The following SAMTOR variants were observed in gnomAD, a reference collection of about 807,000 sequenced individuals.
The protein encoded by SAMTOR is S-adenosylmethionine sensor upstream of mTORC1.
chr7:112,852,325 G>A, the SAMTOR span, among the ~76,000 whole-genome samples: 712 of 152,176 alleles, frequency 4.7e-3, 23 homozygotes, highest in Admixed American at 0.04. Context: ...GAATGGAACT[G>A]GAGGCCATGA....
At chr7:112,909,683 AGGC>A in the SAMTOR span, among the ~76,000 whole-genome samples, 4 of 152,062 alleles carry the variant, frequency 2.6e-5, no homozygotes, top group African/African-American at 7.2e-5. Flanking sequence ...TTGTAGGAAA[AGGC>A]TAATGTATTA....
At chr7:112,843,716 T>A in the SAMTOR span, among the ~76,000 whole-genome samples, 2 of 151,888 alleles carry the variant, frequency 1.3e-5, no homozygotes, top group Non-Finnish European at 2.9e-5. Context: ...TGTAGAATTC[T>A]ACAAAGAGCT....
At chr7:112,835,345 C>T in the SAMTOR span, among the ~76,000 whole-genome samples, 19 of 152,260 alleles carry the variant, frequency 1.2e-4, no homozygotes, top group Admixed American at 9.2e-4. Context: ...CTGCTGAGGA[C>T]TTCCAATATG....
At chr7:112,919,085 G>A in the SAMTOR span, among the ~76,000 whole-genome samples, 8 of 152,156 alleles carry the variant, frequency 5.3e-5, no homozygotes, top group Non-Finnish European at 1.0e-4. Flanking sequence ...ACTCAGCTCT[G>A]CACCAAGTGG....
the SAMTOR span, among the ~76,000 whole-genome samples, chr7:112,906,491 T>C: frequency 1.3e-5 from 2 of 151,366 alleles, no homozygotes; most frequent in African/African-American, 2.4e-5. Flanking sequence ...ATAATCACTA[T>C]ACAGAAAACC....
chr7:112,863,861 C>T, the SAMTOR span, among the ~76,000 whole-genome samples: 1 of 152,126 alleles, frequency 6.6e-6, no homozygotes, highest in Non-Finnish European at 1.5e-5. Context: ...GGTGATTCCT[C>T]AATGAACAAA....
At chr7:112,891,523 T>C in the SAMTOR span, among the ~76,000 whole-genome samples, 1 of 152,180 alleles carries the variant, frequency 6.6e-6, no homozygotes, top group Non-Finnish European at 1.5e-5. Context: ...TTTAAGTAAT[T>C]AACAAAATAC....
chr7:112,908,888 C>T, the SAMTOR span, among the ~76,000 whole-genome samples: 2 of 152,054 alleles, frequency 1.3e-5, no homozygotes, highest in African/African-American at 2.4e-5. Flanking sequence ...ATAACGAGAC[C>T]GGGTGAGACT....
chr7:112,932,160 C>T, the SAMTOR span, among the ~76,000 whole-genome samples: 3 of 151,968 alleles, frequency 2.0e-5, no homozygotes, highest in African/African-American at 4.8e-5. Flanking sequence ...CTCTTGACCT[C>T]GTGATCCACC....
chr7:112,887,060 G>C, the SAMTOR span, among the ~76,000 whole-genome samples: 1 of 151,936 alleles, frequency 6.6e-6, no homozygotes, highest in African/African-American at 2.4e-5. Context: ...CAGCTACTTG[G>C]GAGGCTGAGG....
chr7:112,854,224 A>G, the SAMTOR span, among the ~76,000 whole-genome samples: 1 of 152,144 alleles, frequency 6.6e-6, no homozygotes, highest in East Asian at 1.9e-4. Flanking sequence ...AGCATTTTTC[A>G]TATAATCCAT....
the SAMTOR span, among the ~76,000 whole-genome samples, chr7:112,938,450 T>C: frequency 6.6e-6 from 1 of 152,234 alleles, no homozygotes; most frequent in Non-Finnish European, 1.5e-5. Context: ...TAGTTTTAAC[T>C]TTCTAGAGTA....
chr7:112,934,878 CTAA>C, the SAMTOR span, among the ~76,000 whole-genome samples: 1 of 152,184 alleles, frequency 6.6e-6, no homozygotes, highest in African/African-American at 2.4e-5. Flanking sequence ...ACAAAGAACA[CTAA>C]TAATAACAAA....
chr7:112,911,079 ATT>A, the SAMTOR span, among the ~76,000 whole-genome samples: 1 of 152,102 alleles, frequency 6.6e-6, no homozygotes, highest in African/African-American at 2.4e-5. Context: ...ACTCTGCTGG[ATT>A]AAAGGGAAAT....
At chr7:112,918,138 A>G in the SAMTOR span, among the ~76,000 whole-genome samples, 5 of 152,210 alleles carry the variant, frequency 3.3e-5, no homozygotes, top group Non-Finnish European at 7.3e-5. Flanking sequence ...TCCAAGACAC[A>G]TAGTTGTCAG....
the SAMTOR span, among the ~76,000 whole-genome samples, chr7:112,917,093 G>C: frequency 1.8e-4 from 28 of 152,342 alleles, no homozygotes; most frequent in African/African-American, 6.5e-4. Flanking sequence ...TTGAAGAAGA[G>C]AGCAGTGGTT....
the SAMTOR span, among the ~76,000 whole-genome samples, chr7:112,925,064 A>G: frequency 6.6e-6 from 1 of 152,206 alleles, no homozygotes; most frequent in Non-Finnish European, 1.5e-5. Context: ...GCTGTATTGG[A>G]ATATTAATTT....
the SAMTOR span, among the ~76,000 whole-genome samples, chr7:112,890,102 C>T: frequency 2.6e-5 from 4 of 152,058 alleles, no homozygotes; most frequent in Non-Finnish European, 1.5e-5. Flanking sequence ...ATAAGCTCCC[C>T]ACAAAGCCAT....
chr7:112,901,637 G>A, the SAMTOR span, among the ~76,000 whole-genome samples: 1 of 152,146 alleles, frequency 6.6e-6, no homozygotes, highest in African/African-American at 2.4e-5. Context: ...CCAGTCCCTA[G>A]TGCCAAAAAA....
Sources: allele counts gnomAD v4.1 joint callset (sites outside exome capture counted in the v4.1 genomes callset), GRCh38; gene constraint gnomAD v4.1.1; transcripts MANE v1.5; gene names NCBI Gene and HGNC (gene_info 2026-07-23, HGNC 2026-07-21).